Variants in NELL1 observed in about 807,000 individuals in gnomAD.
NELL1 encodes protein kinase C-binding protein NELL1.
In NELL1, 76 loss-of-function variants were observed where a neutral mutation model predicts 107.4. The ratio of observed to expected loss-of-function variants is 0.71; its 90% CI spans 0.59 to 0.86. The LOEUF is 0.86. Ranked by LOEUF, NELL1 falls within the 40% of genes least tolerant of loss-of-function variation. The pLI, the probability that NELL1 is intolerant of heterozygous loss-of-function variation, is 0.00. For missense variants in NELL1, 1,024 were observed against 1,005.5 expected, an observed-to-expected ratio of 1.02 and a Z score of -0.25; for synonymous variants, 353 against 341.2, an observed-to-expected ratio of 1.03 and a Z score of -0.38.
chr11:20,786,332 A>T (rs1241451336), intron 3 of NELL1, among the ~76,000 whole-genome samples: 1 of 150,504 alleles, frequency 6.6e-6, no homozygotes, highest in Non-Finnish European at 1.5e-5. Flanking sequence ...CCTGGGCAAC[A>T]AGAGCAAAAC....
intron 14 of NELL1, among the ~76,000 whole-genome samples, chr11:21,302,597 T>C (rs1849517313): frequency 6.6e-6 from 1 of 152,028 alleles, no homozygotes. Flanking sequence ...TAGATAGAAA[T>C]GTAGGGGAAT....
chr11:21,370,386 T>C (rs1476397376), intron 14 of NELL1, among the ~76,000 whole-genome samples: 1 of 152,102 alleles, frequency 6.6e-6, no homozygotes, highest in Non-Finnish European at 1.5e-5. Context: ...ATTTATATTA[T>C]AAATATTAAG....
At chr11:21,224,642 T>G (rs1480044968) in intron 13 of NELL1, among the ~76,000 whole-genome samples, 1 of 152,206 alleles carries the variant, frequency 6.6e-6, no homozygotes, top group African/African-American at 2.4e-5. Flanking sequence ...GCTTAATTTA[T>G]TCTTTTAAAA....
chr11:21,376,213 TA>T (rs1851473418), intron 15 of NELL1, among the ~76,000 whole-genome samples: 2 of 152,142 alleles, frequency 1.3e-5, no homozygotes, highest in African/African-American at 4.8e-5. Context: ...CATCTTGAGT[TA>T]ATTTTTTGTA....
At chr11:21,017,471 A>T (rs1852593738) in intron 12 of NELL1, among the ~76,000 whole-genome samples, 1 of 151,904 alleles carries the variant, frequency 6.6e-6, no homozygotes, top group Admixed American at 6.6e-5. Flanking sequence ...ATTATCTCTA[A>T]TTACCTATTT....
At chr11:21,108,095 T>A (rs1167319166) in intron 12 of NELL1, among the ~76,000 whole-genome samples, 3 of 152,186 alleles carry the variant, frequency 2.0e-5, no homozygotes, top group Non-Finnish European at 4.4e-5. Context: ...GAGCTGTTGA[T>A]CTTCTTTCCT....
chr11:20,857,026 T>A (rs1848894138), intron 4 of NELL1, among the ~76,000 whole-genome samples: 1 of 152,228 alleles, frequency 6.6e-6, no homozygotes, highest in Non-Finnish European at 1.5e-5. Flanking sequence ...CCACTTGTTA[T>A]ATAATCACAG....
At chr11:21,484,359 A>T (rs1041942867) in intron 15 of NELL1, among the ~76,000 whole-genome samples, 37 of 151,816 alleles carry the variant, frequency 2.4e-4, no homozygotes, top group African/African-American at 8.5e-4. Flanking sequence ...AAAAATATTG[A>T]CATATACTAT....
intron 15 of NELL1, among the ~76,000 whole-genome samples, chr11:21,450,989 G>A (rs1307796868): frequency 6.6e-6 from 1 of 151,780 alleles, no homozygotes; most frequent in African/African-American, 2.4e-5. Context: ...AGGAGATGGA[G>A]ACCATCCTGG....
At chr11:21,557,345 G>T (rs1856739938) in intron 16 of NELL1, among the ~76,000 whole-genome samples, 1 of 151,916 alleles carries the variant, frequency 6.6e-6, no homozygotes, top group African/African-American at 2.4e-5. Flanking sequence ...TTATCTTTAT[G>T]CTCAGCCTTC....
At chr11:21,239,912 T>C (rs902652021) in intron 14 of NELL1, among the ~76,000 whole-genome samples, 1 of 151,936 alleles carries the variant, frequency 6.6e-6, no homozygotes, top group Non-Finnish European at 1.5e-5. Flanking sequence ...CTGCTGATAA[T>C]GTAGAAATGG....
chr11:20,975,323 C>T (rs759581637), intron 12 of NELL1, among the ~76,000 whole-genome samples: 2 of 151,750 alleles, frequency 1.3e-5, no homozygotes, highest in African/African-American at 2.4e-5. Context: ...GCTGGGGCTT[C>T]CTTTTTGTGT....
intron 12 of NELL1, among the ~76,000 whole-genome samples, chr11:21,053,483 T>G (rs1239328032): frequency 6.6e-6 from 1 of 152,148 alleles, no homozygotes; most frequent in Admixed American, 6.6e-5. Context: ...AATTGCACTC[T>G]TACAGCTTTG....
chr11:21,024,811 A>G (rs954786958), intron 12 of NELL1, among the ~76,000 whole-genome samples: 32 of 152,042 alleles, frequency 2.1e-4, no homozygotes, highest in African/African-American at 7.2e-4. Flanking sequence ...TTTCCTATTT[A>G]TGTACATTAT....
At chr11:21,051,077 C>G (rs1391035676) in intron 12 of NELL1, among the ~76,000 whole-genome samples, 3 of 152,134 alleles carry the variant, frequency 2.0e-5, no homozygotes, top group African/African-American at 7.2e-5. Flanking sequence ...AAAAAAGATA[C>G]TTGACATACA....
chr11:21,232,494 G>C (rs919938581), intron 14 of NELL1, among the ~76,000 whole-genome samples: 4 of 152,144 alleles, frequency 2.6e-5, no homozygotes, highest in African/African-American at 9.7e-5. Flanking sequence ...AAGAGGAGGA[G>C]GAGGTTGGCA....
intron 1 of NELL1, among the ~76,000 whole-genome samples, chr11:20,676,060 C>T (rs1854047855): frequency 6.6e-6 from 1 of 152,074 alleles, no homozygotes; most frequent in South Asian, 2.1e-4. Context: ...GCCTCATTTT[C>T]TACTTCTCTA....
At chr11:21,286,913 C>G (rs7934072) in intron 14 of NELL1, among the ~76,000 whole-genome samples, 1 of 151,982 alleles carries the variant, frequency 6.6e-6, no homozygotes, top group Non-Finnish European at 1.5e-5. Flanking sequence ...TGGTTGATAC[C>G]GCTACACTTT....
At position 21,138,139 on chromosome 11, in the gene NELL1, T is replaced by A. The variant is rs181157560; in HGVS notation, c.1426+24425T>A. 3.7e-3 allele frequency among the ~76,000 whole-genome samples: 567 copies of A among 152,280 alleles called. 6 individuals carry two copies. The highest frequency in any genetic ancestry group is 0.013 in the African/African-American group (555 of 41,542). On this transcript the variant is annotated intron_variant, in intron 13 of 19. Coordinates refer to ENST00000357134, the MANE Select transcript of NELL1 (RefSeq NM_006157.5). Reference sequence around the variant, plus strand: ...GCTCTGCAAAATGGCATTTAATTCTTATTCCCTCGGTGCTCTTGGGGAAAT... The same window carrying A: ...GCTCTGCAAAATGGCATTTAATTCTAATTCCCTCGGTGCTCTTGGGGAAAT...
Sources: allele counts gnomAD v4.1 joint callset (sites outside exome capture counted in the v4.1 genomes callset), GRCh38; gene constraint gnomAD v4.1.1; transcripts MANE v1.5; gene names NCBI Gene and HGNC (gene_info 2026-07-23, HGNC 2026-07-21).